Variants in DGUOK observed in about 807,000 individuals in gnomAD.
DGUOK encodes the protein deoxyguanosine kinase, mitochondrial.
A neutral mutation model predicts 36.6 loss-of-function variants in DGUOK; 30 were observed. The observed-to-expected ratio is 0.82, with a 90% CI of 0.61 to 1.11. The LOEUF (loss-of-function observed/expected upper bound fraction) is 1.11, where lower values mean the gene tolerates loss of function less well. DGUOK is among the 50% of genes most tolerant of loss of function. The pLI is 0.00. For synonymous variants in DGUOK, 145 were observed against 126.3 expected (o/e 1.15, Z -0.99); for missense variants, 361 against 336.4 (o/e 1.07, Z -0.57).
chr2:73,947,103 G>A (rs1261109625), intron 3 of DGUOK, 197 bp downstream of exon 3: 1 of 636,834 alleles, frequency 1.6e-6, no homozygotes, highest in Admixed American at 2.5e-5. Flanking sequence ...AAAGGAAATT[G>A]GGTTTTTCAT....
chr2:73,941,397 G>A (rs1372627117), intron 2 of DGUOK, among the ~76,000 whole-genome samples: 2 of 152,128 alleles, frequency 1.3e-5, no homozygotes, highest in Non-Finnish European at 2.9e-5. Flanking sequence ...AATTTGTTAG[G>A]CAGCAATAGA....
intron 1 of DGUOK, among the ~76,000 whole-genome samples, chr2:73,934,366 A>G (rs1000683737): frequency 2.6e-5 from 4 of 152,190 alleles, no homozygotes; most frequent in Non-Finnish European, 5.9e-5. Flanking sequence ...TGGCAATATA[A>G]CAACAGAGAA....
chr2:73,955,244 A>T (rs1682999727), intron 4 of DGUOK, among the ~76,000 whole-genome samples: 1 of 152,230 alleles, frequency 6.6e-6, no homozygotes, highest in Non-Finnish European at 1.5e-5. Context: ...GTACTTGGAA[A>T]CATAAAGTCA....
intron 2 of DGUOK, among the ~76,000 whole-genome samples, chr2:73,943,252 G>A (rs756341502): frequency 6.6e-6 from 1 of 152,028 alleles, no homozygotes; most frequent in East Asian, 1.9e-4. Context: ...CTGGACTCAG[G>A]TATCTTCCCA....
At chr2:73,951,616 G>A (rs1476930275) in intron 4 of DGUOK, among the ~76,000 whole-genome samples, 1 of 152,178 alleles carries the variant, frequency 6.6e-6, no homozygotes, top group African/African-American at 2.4e-5. Context: ...TGGGCAGAAA[G>A]GAGCCGAGAA....
intron 1 of DGUOK, among the ~76,000 whole-genome samples, chr2:73,932,936 T>A (rs1681167092): frequency 6.6e-6 from 1 of 152,210 alleles, no homozygotes; most frequent in African/African-American, 2.4e-5. Flanking sequence ...TGTATTATCA[T>A]CTTCTTGTGA....
intron 1 of DGUOK, among the ~76,000 whole-genome samples, chr2:73,930,579 C>T (rs1680927268): frequency 6.6e-6 from 1 of 152,016 alleles, no homozygotes; most frequent in Non-Finnish European, 1.5e-5. Flanking sequence ...GTTTGAACTC[C>T]CTCTATTTTC....
intron 4 of DGUOK, among the ~76,000 whole-genome samples, chr2:73,951,729 G>T (rs1682719063): frequency 6.6e-6 from 1 of 152,196 alleles, no homozygotes; most frequent in African/African-American, 2.4e-5. Flanking sequence ...CCTTAAGAAG[G>T]TGGCAACCAG....
intron 4 of DGUOK, among the ~76,000 whole-genome samples, chr2:73,954,221 G>A (rs964014533): frequency 2.0e-5 from 3 of 152,142 alleles, no homozygotes; most frequent in African/African-American, 7.2e-5. Flanking sequence ...TGGTGTGTCT[G>A]TATTCCCAGC....
chr2:73,947,879 CTT>C (rs1051892355), intron 3 of DGUOK: 22 of 152,142 alleles, frequency 1.4e-4, no homozygotes, highest in Non-Finnish European at 1.3e-4. Flanking sequence ...GTTGGTTACT[CTT>C]TTAATTCCAA....
At position 73,958,127 on chromosome 2, in the gene DGUOK, A is replaced by C. The variant is rs1683262788; in HGVS notation, c.708-19A>C. ...ACATTTCTTTTTTTCTGTCCCCCAA[A>C]CGTTCACGCTTCTTATAGGCTCCAC... On this transcript the variant is annotated intron_variant, in intron 5 of 6. Coordinates refer to ENST00000264093, the MANE Select transcript of DGUOK (RefSeq NM_080916.3). 2.5e-6 allele frequency: 4 copies of C among 1,602,626 alleles called. No individual in the cohort carries two copies. The South Asian group carries it at 4.4e-5, about 18-fold the overall frequency.
At chr2:73,935,068 T>C (rs575813251) in intron 1 of DGUOK, among the ~76,000 whole-genome samples, 1 of 135,718 alleles carries the variant, frequency 7.4e-6, no homozygotes, top group East Asian at 2.1e-4. Flanking sequence ...AGCTAGACTC[T>C]GTCTCAAAAA....
At chr2:73,952,552 A>T (rs1682774370) in intron 4 of DGUOK, among the ~76,000 whole-genome samples, 1 of 152,174 alleles carries the variant, frequency 6.6e-6, no homozygotes, top group Non-Finnish European at 1.5e-5. Context: ...AAGAAGTGAC[A>T]GGTTTCCTAT....
chr2:73,950,374 C>T (rs565759201), intron 3 of DGUOK, among the ~76,000 whole-genome samples: 2 of 152,262 alleles, frequency 1.3e-5, no homozygotes, highest in South Asian at 4.1e-4. Context: ...AAGTCTAGAT[C>T]CTATTTCCCA....
chr2:73,940,282 G>C (rs897949298), intron 2 of DGUOK, among the ~76,000 whole-genome samples: 1 of 152,170 alleles, frequency 6.6e-6, no homozygotes, highest in Non-Finnish European at 1.5e-5. Flanking sequence ...CCTAAGTGAT[G>C]AGTCCTAGTT....
intron 1 of DGUOK, among the ~76,000 whole-genome samples, chr2:73,930,979 G>A (rs1360777029): frequency 6.6e-6 from 1 of 151,668 alleles, no homozygotes; most frequent in Non-Finnish European, 1.5e-5. Flanking sequence ...GTATTTTTTA[G>A]TAGAGACGGG....
chr2:73,937,623 A>G (rs561856821), intron 1 of DGUOK, among the ~76,000 whole-genome samples: 25 of 152,304 alleles, frequency 1.6e-4, no homozygotes, highest in Non-Finnish European at 3.1e-4. Flanking sequence ...ATACAGGAGG[A>G]AGCTCAATTT....
intron 6 of DGUOK, 65 bp from the exon 7 acceptor site, chr2:73,958,645 G>T (rs1364337801): frequency 2.9e-6 from 4 of 1,377,362 alleles, no homozygotes; most frequent in Non-Finnish European, 4.1e-6. Context: ...TATGCATTGG[G>T]GGTGGACCAT....
rs746281147 is a variant in DGUOK, at chr2:73,927,001, G to A, written c.91G>A (p.Gly31Ser). The A allele has an allele frequency of 6.2e-7, 1 of 1,611,952 alleles. No homozygotes were observed. Among genetic ancestry groups the A allele is most frequent in the Non-Finnish European group, 8.5e-7 (1 of 1,180,038 alleles). ...ACTCGAGGGCGTTTCCTCCTCCAGAGGCCTGCACGCGGGGCGCGGGCCCCG... is the reference window on the plus strand; with the variant it reads ...ACTCGAGGGCGTTTCCTCCTCCAGAAGCCTGCACGCGGGGCGCGGGCCCCG... Reference protein sequence around the residue: ...SPLEGVSSSRGLHAGRGPRRL... With the variant: ...SPLEGVSSSRSLHAGRGPRRL... Residue 31 changes from glycine (G) to serine (S), a missense_variant, in exon 1 of 7, where the codon GGC becomes AGC. Coordinates refer to ENST00000264093, the MANE Select transcript of DGUOK (RefSeq NM_080916.3).
Sources: allele counts gnomAD v4.1 joint callset (sites outside exome capture counted in the v4.1 genomes callset), GRCh38; gene constraint gnomAD v4.1.1; transcripts MANE v1.5; gene names NCBI Gene and HGNC (gene_info 2026-07-23, HGNC 2026-07-21).